ACO1: variants seen among roughly 807,000 people sequenced by gnomAD.
ACO1 encodes the protein cytoplasmic aconitate hydratase.
Under a neutral mutation model 105.1 loss-of-function variants are expected in ACO1, and 78 were observed. The ratio of observed to expected loss-of-function variants is 0.74; its 90% CI spans 0.62 to 0.90. The LOEUF (loss-of-function observed/expected upper bound fraction) is 0.90, where lower values mean the gene tolerates loss of function less well. ACO1 is among the 40% of genes least tolerant of loss of function. The pLI, the probability that ACO1 is intolerant of heterozygous loss-of-function variation, is 0.00. For synonymous variants in ACO1, 364 were observed against 397.4 expected (o/e 0.92, Z 1.00); for missense variants, 965 against 1,111.1 (o/e 0.87, Z 1.87).
intron 1 of ACO1, among the ~76,000 whole-genome samples, chr9:32,387,225 A>G (rs375285687): frequency 2.6e-5 from 4 of 152,174 alleles, no homozygotes; most frequent in African/African-American, 9.7e-5. Context: ...GGGTTAAGAC[A>G]CTTTCTCTGG....
At chr9:32,438,290 T>G (rs1328666325) in intron 18 of ACO1, among the ~76,000 whole-genome samples, 2 of 152,102 alleles carry the variant, frequency 1.3e-5, no homozygotes, top group African/African-American at 4.8e-5. Context: ...TTCAAAAGCT[T>G]AAAAAAGCCC....
At position 32,430,530 on chromosome 9, in the gene ACO1, C is replaced by T; in HGVS notation, c.1682C>T (p.Ala561Val). 1 of 1,609,170 alleles carries T rather than the reference C, an allele frequency of 6.2e-7. No homozygotes were observed. ...TCTCCCCCCTTAGTAATAGCATATG[C>T]AATTGCTGGAACCATCAGAATCGAC... is the stretch of plus-strand genomic sequence containing the variant. The part of the protein sequence containing the change: ...LASPPLVIAY[A>V]IAGTIRIDFE... Residue 561 changes from alanine (A) to valine (V), a missense_variant, in exon 14 of 21, where the codon GCA becomes GTA. Physicochemically the swap from Ala to Val is moderately conservative, Grantham distance 64. Coordinates refer to ENST00000309951, the MANE Select transcript of ACO1 (RefSeq NM_002197.3).
intron 1 of ACO1, among the ~76,000 whole-genome samples, chr9:32,399,319 T>G (rs1045579005): frequency 5.9e-5 from 9 of 152,334 alleles, no homozygotes; most frequent in South Asian, 2.1e-4. Flanking sequence ...AGAAGAAGTT[T>G]AGATGCCTAA....
At chr9:32,394,436 A>G (rs1296279646) in intron 1 of ACO1, among the ~76,000 whole-genome samples, 1 of 152,204 alleles carries the variant, frequency 6.6e-6, no homozygotes, top group Non-Finnish European at 1.5e-5. Flanking sequence ...AGGTCTGTAA[A>G]TGTCGTGTGT....
chr9:32,440,666 A>G, intron 19 of ACO1, 79 bp downstream of exon 19: 1 of 1,527,922 alleles, frequency 6.5e-7, no homozygotes, highest in East Asian at 2.4e-5. Flanking sequence ...CTGTTGCTTT[A>G]CTTTCCAAGA....
intron 3 of ACO1, among the ~76,000 whole-genome samples, chr9:32,407,677 A>G (rs1243572316): frequency 1.3e-5 from 2 of 152,208 alleles, no homozygotes; most frequent in Non-Finnish European, 2.9e-5. Context: ...AAGGGTCATT[A>G]TCCTTGCTCT....
In ACO1 at chr9:32,451,071, T is replaced by TG. The variant is rs1822757914; in HGVS notation, c.*960_*961insG. 6.6e-6 allele frequency: 1 copy of TG among 151,184 alleles called. No homozygotes were observed. Among genetic ancestry groups the TG allele is most frequent in the Admixed American group, 6.6e-5 (1 of 15,212 alleles). The allele number at this position is 151,184 out of a possible 1,614,324, so 9.4% of individuals were successfully genotyped here. ...TAGCCTGGTGGCAGTGGCAACGATA[T>TG]AAGTACATAAGGAAAAGCAGATAAA... On this transcript the variant is annotated 3_prime_UTR_variant, in exon 21 of 21. Transcript: ENST00000309951.
At chr9:32,427,710 T>C (rs570032588) in intron 12 of ACO1, among the ~76,000 whole-genome samples, 12 of 152,224 alleles carry the variant, frequency 7.9e-5, no homozygotes, top group African/African-American at 2.9e-4. Flanking sequence ...GCCTAGGACA[T>C]TACCACACAC....
intron 1 of ACO1, among the ~76,000 whole-genome samples, chr9:32,394,500 C>G (rs1015751604): frequency 5.3e-5 from 8 of 151,616 alleles, no homozygotes; most frequent in African/African-American, 1.9e-4. Context: ...AGGCCCAGGT[C>G]CCAGAAGTAT....
At chr9:32,403,779 C>G (rs950610317) in intron 1 of ACO1, among the ~76,000 whole-genome samples, 11 of 152,128 alleles carry the variant, frequency 7.2e-5, no homozygotes, top group Non-Finnish European at 1.6e-4. Context: ...TGCTCAGTCC[C>G]GTGAGCGTTT....
chr9:32,423,753 G>A (rs1822027397), intron 9 of ACO1, among the ~76,000 whole-genome samples: 1 of 152,154 alleles, frequency 6.6e-6, no homozygotes, highest in Non-Finnish European at 1.5e-5. Flanking sequence ...GGGACTCAGG[G>A]CAAAGGGTGG....
At chr9:32,417,325 T>C (rs1821871885) in intron 4 of ACO1, among the ~76,000 whole-genome samples, 1 of 152,252 alleles carries the variant, frequency 6.6e-6, no homozygotes, top group Admixed American at 6.5e-5. Context: ...AGTTATCCAG[T>C]ACTTCATTTA....
intron 16 of ACO1, 89 bp from the exon 17 acceptor site, chr9:32,434,470 C>G (rs1822309688): frequency 2.0e-6 from 3 of 1,489,796 alleles, no homozygotes; most frequent in Non-Finnish European, 2.8e-6. Context: ...TCCTCTGATT[C>G]AGGTCCATGG....
At position 32,454,186 on chromosome 9, in the gene ACO1, G is replaced by C. The variant is rs1822829143; in HGVS notation, c.*4075G>C. 1.3e-5 allele frequency: 2 copies of C among 152,216 alleles called. No individual in the cohort carries two copies. The highest frequency in any genetic ancestry group is 2.9e-5 in the Non-Finnish European group (2 of 68,040). The allele number at this position is 152,216 out of a possible 1,614,324, so 9.4% of individuals were successfully genotyped here. The stretch of plus-strand genomic sequence containing the variant: ...ACTGCAGAACAGACACAAGAACAAT[G>C]TGTGCTGTAAATCACTGTTTGCAGG... On this transcript the variant is annotated 3_prime_UTR_variant, in exon 21 of 21. Coordinates refer to ENST00000309951, the MANE Select transcript of ACO1 (RefSeq NM_002197.3).
chr9:32,426,737 T>A (rs1350056305), intron 11 of ACO1, among the ~76,000 whole-genome samples: 2 of 152,144 alleles, frequency 1.3e-5, no homozygotes, highest in Non-Finnish European at 2.9e-5. Flanking sequence ...CCCCCACTGC[T>A]CATGTTTTTG....
chr9:32,442,648 C>T (rs1000030176), intron 19 of ACO1, among the ~76,000 whole-genome samples: 5 of 152,248 alleles, frequency 3.3e-5, no homozygotes, highest in Middle Eastern at 3.4e-3. Flanking sequence ...GTGGTATGTT[C>T]TGAAAGTTGC....
chr9:32,392,511 G>A (rs920202809), intron 1 of ACO1, among the ~76,000 whole-genome samples: 2 of 152,160 alleles, frequency 1.3e-5, no homozygotes, highest in African/African-American at 4.8e-5. Flanking sequence ...CATTGCTGCT[G>A]TTCTTCCCAG....
intron 11 of ACO1, among the ~76,000 whole-genome samples, chr9:32,426,933 T>G (rs1459692657): frequency 6.6e-6 from 1 of 152,134 alleles, no homozygotes; most frequent in Non-Finnish European, 1.5e-5. Flanking sequence ...CCTTCAATGA[T>G]GATTTTCATC....
chr9:32,449,221 C>G, intron 20 of ACO1, 140 bp downstream of exon 20: 2 of 743,788 alleles, frequency 2.7e-6, no homozygotes, highest in Non-Finnish European at 4.3e-6. Context: ...AGGAGGCCTA[C>G]TAGCATCTTT....
Sources: allele counts gnomAD v4.1 joint callset (sites outside exome capture counted in the v4.1 genomes callset), GRCh38; gene constraint gnomAD v4.1.1; transcripts MANE v1.5; gene names NCBI Gene and HGNC (gene_info 2026-07-23, HGNC 2026-07-21).